SYNPO: variants seen among roughly 807,000 people sequenced by gnomAD.
SYNPO encodes synaptopodin.
In SYNPO, 19 loss-of-function variants were observed where a neutral mutation model predicts 49.5. That is an observed-to-expected ratio of 0.38 (90% CI 0.27 to 0.56). The LOEUF (loss-of-function observed/expected upper bound fraction) is 0.56. Ranked by LOEUF, SYNPO falls within the 20% of genes least tolerant of loss-of-function variation. SYNPO has a pLI of 0.68. For missense variants in SYNPO, 1,131 were observed against 1,248.3 expected (o/e 0.91, Z 1.42); for synonymous variants, 536 against 548.0 (o/e 0.98, Z 0.31).
chr5:150,602,997 GGTGTGTGTGTGTGTGTGT>G (rs3062133), intron 1 of SYNPO, among the ~76,000 whole-genome samples: 5 of 131,182 alleles, frequency 3.8e-5, no homozygotes, highest in Non-Finnish European at 8.0e-5. Context: ...GCCACCTTAG[GGTGTGTGTGTGTGTGTGT>G]GTGTGTGTGT....
intron 2 of SYNPO, among the ~76,000 whole-genome samples, chr5:150,634,813 G>A (rs1222475090): frequency 6.7e-6 from 1 of 148,396 alleles, no homozygotes; most frequent in Non-Finnish European, 1.5e-5. Flanking sequence ...GTGACAGAGT[G>A]AGACCCTGTC....
At chr5:150,650,711 T>A in intron 2 of SYNPO, 1 of 1,360,902 alleles carries the variant, frequency 7.3e-7, no homozygotes, top group Non-Finnish European at 9.5e-7. Flanking sequence ...AACAGGGACT[T>A]CTGGAGCAGA....
exon 2 of SYNPO, chr5:150,618,513 A>G (rs1757045538): frequency 2.6e-6 from 4 of 1,550,934 alleles, no homozygotes; most frequent in Admixed American, 2.0e-5. Flanking sequence ...CTGCAGGGAG[A>G]GGTGGGGCCT....
At chr5:150,641,017 G>A (rs1025912624) in intron 1 of SYNPO, among the ~76,000 whole-genome samples, 163 bp downstream of exon 1, 2 of 152,154 alleles carry the variant, frequency 1.3e-5, no homozygotes, top group African/African-American at 4.8e-5. Context: ...CTGGGCCTGG[G>A]GCTCCCCACC....
intron 2 of SYNPO, among the ~76,000 whole-genome samples, chr5:150,635,404 G>T (rs991031944): frequency 2.6e-5 from 4 of 152,380 alleles, no homozygotes; most frequent in African/African-American, 9.6e-5. Flanking sequence ...GTGTATGTGT[G>T]TGTGTATGGA....
chr5:150,627,770 C>G (rs1757404415), intron 2 of SYNPO, among the ~76,000 whole-genome samples: 1 of 151,530 alleles, frequency 6.6e-6, no homozygotes, highest in African/African-American at 2.4e-5. Flanking sequence ...CAACTGGAGT[C>G]TGGAAGAATG....
chr5:150,592,244 T>C, the SYNPO span, among the ~76,000 whole-genome samples: 1 of 152,070 alleles, frequency 6.6e-6, no homozygotes, highest in Non-Finnish European at 1.5e-5. Context: ...AGATAAACAA[T>C]GAATAATTTT....
At chr5:150,601,636 G>A (rs1756545473) in intron 1 of SYNPO, among the ~76,000 whole-genome samples, 1 of 152,202 alleles carries the variant, frequency 6.6e-6, no homozygotes, top group Non-Finnish European at 1.5e-5. Flanking sequence ...ATTCCTGCTT[G>A]CAGGGCTGAA....
chr5:150,650,417 G>T, intron 2 of SYNPO, 114 bp downstream of exon 2: 1 of 1,557,638 alleles, frequency 6.4e-7, no homozygotes, highest in South Asian at 1.2e-5. Context: ...AAATGGCACA[G>T]AGCTGAGTGA....
intron 2 of SYNPO, among the ~76,000 whole-genome samples, chr5:150,634,639 T>C (rs1757646747): frequency 6.6e-6 from 1 of 151,994 alleles, no homozygotes; most frequent in African/African-American, 2.4e-5. Context: ...GGCAACAAAG[T>C]GAGACCTCGT....
chr5:150,601,065 C>T (rs1756513337), upstream of SYNPO: 1 of 152,176 alleles, frequency 6.6e-6, no homozygotes. Context: ...CCATCCCGCT[C>T]AGCCTGCTCC....
At chr5:150,637,003 C>A (rs1476880260), upstream of SYNPO, among the ~76,000 whole-genome samples, 1 of 152,200 alleles carries the variant, frequency 6.6e-6, no homozygotes, top group Non-Finnish European at 1.5e-5. Flanking sequence ...CTTTAGAAAT[C>A]ATTGCTGCAT....
At chr5:150,593,977 C>T in the SYNPO span, among the ~76,000 whole-genome samples, 1 of 152,132 alleles carries the variant, frequency 6.6e-6, no homozygotes, top group Non-Finnish European at 1.5e-5. Flanking sequence ...AATAATAAAG[C>T]CCCACAAAGT....
chr5:150,643,604 G>A (rs1052389375), intron 1 of SYNPO, among the ~76,000 whole-genome samples: 1 of 152,088 alleles, frequency 6.6e-6, no homozygotes, highest in Non-Finnish European at 1.5e-5. Flanking sequence ...GCGTGATCTC[G>A]GCTCACCGCA....
In SYNPO at chr5:150,628,177, C is replaced by G. The variant is rs76766701; in HGVS notation, c.400+9410C>G. 7.4e-3 allele frequency among the ~76,000 whole-genome samples: 1,119 copies of G among 152,222 alleles called. 19 individuals are homozygous for G. Among genetic ancestry groups the G allele is most frequent in the African/African-American group, 0.025 (1,056 of 41,534 alleles). Reference sequence around the variant, plus strand: ...CCTGTAGGCCCTGTAATTCCAAAGGCTTACACAAGCCCTCTGTTTGGAATG... The same window carrying G: ...CCTGTAGGCCCTGTAATTCCAAAGGGTTACACAAGCCCTCTGTTTGGAATG... On this transcript the variant is annotated intron_variant, in intron 2 of 2. Transcript: ENST00000394243.
At chr5:150,595,893 C>T in the SYNPO span, among the ~76,000 whole-genome samples, 3 of 149,128 alleles carry the variant, frequency 2.0e-5, no homozygotes, top group East Asian at 2.1e-4. Context: ...TCCCGTAAGT[C>T]GGCCCAACGG....
intron 2 of SYNPO, among the ~76,000 whole-genome samples, chr5:150,620,933 C>CTTTCT (rs758214643): frequency 8.0e-6 from 1 of 124,886 alleles, no homozygotes; most frequent in East Asian, 2.2e-4. Context: ...TTCTTTCTTT[C>CTTTCT]TTTCTTTCTT....
At chr5:150,591,203 G>C in the SYNPO span, among the ~76,000 whole-genome samples, 1 of 152,242 alleles carries the variant, frequency 6.6e-6, no homozygotes, top group African/African-American at 2.4e-5. Flanking sequence ...AAGCTGAAAA[G>C]GCTGGGATTT....
the SYNPO span, among the ~76,000 whole-genome samples, chr5:150,592,213 T>C: frequency 6.6e-6 from 1 of 152,072 alleles, no homozygotes; most frequent in Non-Finnish European, 1.5e-5. Context: ...AGATACAAGA[T>C]GCCCATTAGG....
Sources: gnomAD v4.1 joint callset for allele counts (sites outside exome capture counted in the v4.1 genomes callset) on GRCh38, gnomAD v4.1.1 for gene constraint, MANE v1.5 for transcripts, NCBI Gene and HGNC (gene_info 2026-07-23, HGNC 2026-07-21) for gene names.